Variants in TMED7 observed in about 807,000 individuals in gnomAD.
TMED7 encodes the protein transmembrane p24 trafficking protein 7, also known as transmembrane emp24 domain-containing protein 7.
In TMED7, 8 loss-of-function variants were observed where a neutral mutation model predicts 23.4. That is an observed-to-expected ratio of 0.34 (90% CI 0.20 to 0.62). The LOEUF is 0.62. Ranked by LOEUF, TMED7 falls within the 20% of genes least tolerant of loss-of-function variation. The pLI is 0.77. For synonymous variants in TMED7, 121 were observed against 108.5 expected, an observed-to-expected ratio of 1.12 and a Z score of -0.72; for missense variants, 232 against 279.1, an observed-to-expected ratio of 0.83 and a Z score of 1.20.
chr5:115,616,072 T>A lies in TMED7; in HGVS notation c.*137A>T, dbSNP rs1461022697. ...GTGTCCTTTCCACAGTTTGGGAATA[T>A]GCATTGTACATCCCTCCCAACAAGT... On this transcript the variant is annotated 3_prime_UTR_variant, in exon 3 of 3. Coordinates refer to ENST00000456936, the MANE Select transcript of TMED7 (RefSeq NM_181836.6). 1.2e-6 allele frequency: 1 copy of A among 838,278 alleles called. No homozygotes were observed. The allele number at this position is 838,278 out of a possible 1,614,324, so 51.9% of individuals were successfully genotyped here.
chr5:115,622,100 G>C (rs558837035), intron 1 of TMED7, among the ~76,000 whole-genome samples: 39 of 152,242 alleles, frequency 2.6e-4, no homozygotes, highest in African/African-American at 8.4e-4. Flanking sequence ...CAAAAAGTCA[G>C]TAACTTTTTC....
At chr5:115,616,492 C>T in intron 2 of TMED7, 47 bp from the exon 3 acceptor site, 1 of 1,610,702 alleles carries the variant, frequency 6.2e-7, no homozygotes, top group Non-Finnish European at 8.5e-7. Flanking sequence ...TTTCTGTAGA[C>T]TTCATCTATC....
intron 1 of TMED7, among the ~76,000 whole-genome samples, chr5:115,624,711 C>T (rs1473019810): frequency 6.6e-6 from 1 of 152,186 alleles, no homozygotes; most frequent in Non-Finnish European, 1.5e-5. Context: ...GTGTTCACTA[C>T]TACCACAGGC....
chr5:115,620,302 G>A (rs1478026641), intron 2 of TMED7, 133 bp downstream of exon 2: 3 of 1,217,478 alleles, frequency 2.5e-6, no homozygotes, highest in Non-Finnish European at 2.1e-6. Flanking sequence ...ATGCCTACAT[G>A]TAAGAATTAA....
rs779478511 is a variant in TMED7 at position 115,625,705 on chromosome 5, C to T, written c.88G>A (p.Gly30Arg). Residue 30 changes from glycine to arginine, a missense_variant, in exon 1 of 3, where the codon GGA becomes AGA. By Grantham distance (125) the Gly-to-Arg change is moderately radical (BLOSUM62 -2). This residue lies in a region of TMED7 where 106 missense variants were observed against 97.0 expected (regional missense o/e 1.09). Coordinates refer to ENST00000456936, the MANE Select transcript of TMED7 (RefSeq NM_181836.6). ...RLLALLLLVP[G>R]PGGASEITFE... The stretch of plus-strand genomic sequence containing the variant: ...GTGATCTCAGAGGCGCCGCCGGGTC[C>T]AGGCACCAGTAGCAGCAGTGCGAGC... The T allele has an allele frequency of 6.2e-7, 1 of 1,603,342 alleles. No homozygotes were observed. The highest frequency in any genetic ancestry group is 1.1e-5 in the South Asian group (1 of 89,314).
At chr5:115,621,235 C>A (rs892687805) in intron 1 of TMED7, among the ~76,000 whole-genome samples, 1 of 152,156 alleles carries the variant, frequency 6.6e-6, no homozygotes, top group African/African-American at 2.4e-5. Context: ...AGAACTTAAG[C>A]TCATTTTACT....
In TMED7 at chr5:115,625,751, C is replaced by T. The variant is rs374391342; in HGVS notation, c.42G>A (p.Ala14=). ...PGSAQRWAAV[A]GRWGCRLLAL... is the part of the protein sequence containing the mutation. Reference sequence around the variant, plus strand: ...CGAGCAGCCTGCACCCCCAACGGCCCGCGACGGCCGCCCAGCGCTGCGCGG... The same window carrying T: ...CGAGCAGCCTGCACCCCCAACGGCCTGCGACGGCCGCCCAGCGCTGCGCGG... The change falls in exon 1 of 3, where the codon GCG becomes GCA. Residue 14 remains alanine, a synonymous_variant. Transcript: ENST00000456936. The T allele has an allele frequency of 4.9e-4, 753 of 1,541,900 alleles. 2 individuals are homozygous for T. The African/African-American group carries it at 8.8e-3, about 18-fold the overall frequency.
At chr5:115,622,663 T>C (rs1366099431) in intron 1 of TMED7, among the ~76,000 whole-genome samples, 1 of 152,114 alleles carries the variant, frequency 6.6e-6, no homozygotes, top group Non-Finnish European at 1.5e-5. Flanking sequence ...GGTGCCCATC[T>C]CCCCATCTTT....
chr5:115,625,918 G>T lies in TMED7; in HGVS notation c.-126C>A. On this transcript the variant is annotated 5_prime_UTR_variant, in exon 1 of 3. Transcript: ENST00000456936. ...AAGATACACAGCAGAGCAGGTTCACGCCTGTGGGAGATTCGGGATCAGAGC... is the reference window on the plus strand; with the variant it reads ...AAGATACACAGCAGAGCAGGTTCACTCCTGTGGGAGATTCGGGATCAGAGC... The T allele has an allele frequency of 8.1e-7, 1 of 1,231,142 alleles. No homozygotes were observed. The highest frequency in any genetic ancestry group is 1.0e-6 in the Non-Finnish European group (1 of 973,182). The allele number at this position is 1,231,142 out of a possible 1,614,324, so 76.3% of individuals were successfully genotyped here. A position where few individuals can be genotyped will look rare whatever the true frequency, so the allele number is the denominator to read the frequency against.
At chr5:115,624,497 GTTA>G (rs1246839921) in intron 1 of TMED7, among the ~76,000 whole-genome samples, 1 of 152,140 alleles carries the variant, frequency 6.6e-6, no homozygotes, top group African/African-American at 2.4e-5. Flanking sequence ...ACCTGCACAA[GTTA>G]TTATTAATGC....
chr5:115,622,032 A>C (rs976754371), intron 1 of TMED7, among the ~76,000 whole-genome samples: 1 of 152,220 alleles, frequency 6.6e-6, no homozygotes, highest in Non-Finnish European at 1.5e-5. Context: ...TATACAGATA[A>C]AATGTTTTGA....
chr5:115,620,181 T>C (rs573765538), intron 2 of TMED7: 10 of 342,016 alleles, frequency 2.9e-5, no homozygotes, highest in Admixed American at 2.6e-4. Context: ...CTGATGTTTC[T>C]ACCTTAGTGA....
rs1170813152 is a variant in TMED7, at chr5:115,622,868, G to A, written c.193-2188C>T. ...AGACTACCAGAAATTCTCTGAACAA[G>A]TCTTTGCTTTACATCTGCACTGACA... On this transcript the variant is annotated intron_variant, in intron 1 of 2. Transcript: ENST00000456936. Among the ~76,000 whole-genome samples, 5 of 152,284 alleles carry A rather than the reference G, an allele frequency of 3.3e-5. No individual in the cohort carries two copies. In the East Asian group the frequency reaches 9.6e-4, roughly 29 times the overall value.
intron 2 of TMED7, among the ~76,000 whole-genome samples, chr5:115,617,869 C>G (rs950056911): frequency 6.6e-6 from 1 of 152,192 alleles, no homozygotes; most frequent in Non-Finnish European, 1.5e-5. Context: ...TCTTGGCTCA[C>G]TGCAACTTCC....
intron 1 of TMED7, 35 bp downstream of exon 1, chr5:115,625,566 G>C (rs376328964): frequency 6.7e-7 from 1 of 1,497,606 alleles, no homozygotes; most frequent in Admixed American, 2.2e-5. Context: ...CTGGAGCCGC[G>C]AGTTGGGGCC....
chr5:115,615,366 A>G lies in TMED7; in HGVS notation c.*843T>C, dbSNP rs1756676744. ...GACATTAAAGTCATATAAGGGCAAG[A>G]GCTAGCCAATTAAAATTTTAAAATT... On this transcript the variant is annotated 3_prime_UTR_variant, in exon 3 of 3. Coordinates refer to ENST00000456936, the MANE Select transcript of TMED7 (RefSeq NM_181836.6). 2 of 152,636 alleles carry G rather than the reference A, an allele frequency of 1.3e-5. No homozygotes were observed. The highest frequency in any genetic ancestry group is 2.9e-5 in the Non-Finnish European group (2 of 68,002). 9.5% of individuals were successfully genotyped at this position (152,636 alleles called of 1,614,324 possible).
Position 115,616,472 on chromosome 5 carries a change from T to C in TMED7, c.439-27A>G, listed in dbSNP as rs774212927. The C allele has an allele frequency of 5.0e-6, 8 of 1,613,550 alleles. No homozygotes were observed. In the Admixed American group the frequency reaches 8.3e-5, roughly 17 times the overall value. On this transcript the variant is annotated intron_variant, in intron 2 of 2. Transcript: ENST00000456936. ...TGCAGAGAAATATTTTCAGTCAGTA[T>C]GTGTGATACTTTCTGTAGACTTCAT...
intron 1 of TMED7, among the ~76,000 whole-genome samples, chr5:115,624,669 T>C (rs899056881): frequency 1.3e-5 from 2 of 152,198 alleles, no homozygotes; most frequent in African/African-American, 2.4e-5. Context: ...CCCAACCATA[T>C]TGGACCTCTC....
At position 115,613,417 on chromosome 5, in the gene TMED7, C is replaced by T. The variant is rs1240217517; in HGVS notation, c.*2792G>A. On this transcript the variant is annotated 3_prime_UTR_variant, in exon 3 of 3. Transcript: ENST00000456936. ...TAATAAAATACCAAATAAATAATCACTCTCATTACAGAACTGTACTCTAGG... is the reference window on the plus strand; with the variant it reads ...TAATAAAATACCAAATAAATAATCATTCTCATTACAGAACTGTACTCTAGG... 6.6e-6 allele frequency: 1 copy of T among 152,134 alleles called. No individual in the cohort carries two copies. The highest frequency in any genetic ancestry group is 1.9e-4 in the East Asian group (1 of 5,196). The allele number at this position is 152,134 out of a possible 1,614,324, so 9.4% of individuals were successfully genotyped here. A position where few individuals can be genotyped will look rare whatever the true frequency, so the allele number is the denominator to read the frequency against.
Sources: gnomAD v4.1 joint callset for allele counts (sites outside exome capture counted in the v4.1 genomes callset) on GRCh38, gnomAD v4.1.1 for gene constraint, gnomAD v4.1.1 regional missense constraint, MANE v1.5 for transcripts, NCBI Gene and HGNC (gene_info 2026-07-23, HGNC 2026-07-21) for gene names.